Variants in DPH6 observed in about 807,000 individuals in gnomAD.
DPH6 encodes the protein diphthamine biosynthesis 6.
In DPH6, 33 loss-of-function variants were observed where a neutral mutation model predicts 38.2. The ratio of observed to expected loss-of-function variants is 0.86; its 90% CI spans 0.65 to 1.15. The LOEUF is 1.15. Among genes scored for constraint, DPH6 ranks in the 50% most tolerant of loss-of-function variants. DPH6 has a pLI of 0.00. For missense variants in DPH6, 325 were observed against 320.0 expected (o/e 1.02, Z -0.12); for synonymous variants, 108 against 103.0 (o/e 1.05, Z -0.30).
chr15:35,539,457 G>A (rs1014683838), intron 2 of DPH6, among the ~76,000 whole-genome samples: 1 of 151,996 alleles, frequency 6.6e-6, no homozygotes, highest in Non-Finnish European at 1.5e-5. Context: ...GGGATAAAAA[G>A]TGTTAAATGG....
intron 5 of DPH6, among the ~76,000 whole-genome samples, chr15:35,430,007 T>C (rs1317679267): frequency 2.0e-5 from 3 of 152,144 alleles, no homozygotes; most frequent in South Asian, 2.1e-4. Flanking sequence ...CATTTGTTAA[T>C]GTGGATCTGG....
intron 3 of DPH6, among the ~76,000 whole-genome samples, chr15:35,356,692 T>C (rs1315831483): frequency 6.6e-6 from 1 of 152,198 alleles, no homozygotes; most frequent in South Asian, 2.1e-4. Flanking sequence ...AGTCTGCCCC[T>C]ACTGTGAGGT....
intron 3 of DPH6, among the ~76,000 whole-genome samples, chr15:35,281,547 T>G (rs1249823190): frequency 1.3e-5 from 2 of 152,180 alleles, no homozygotes; most frequent in East Asian, 3.8e-4. Context: ...GCCAGACAAC[T>G]CATTTTCTTT....
the DPH6 span, among the ~76,000 whole-genome samples, chr15:35,170,327 C>T: frequency 5.9e-5 from 9 of 152,120 alleles, no homozygotes; most frequent in Non-Finnish European, 8.8e-5. Context: ...AGCTACACAG[C>T]GAAATATGCC....
At chr15:35,245,519 T>C (rs1010611633) in intron 3 of DPH6, among the ~76,000 whole-genome samples, 10 of 152,296 alleles carry the variant, frequency 6.6e-5, no homozygotes, top group African/African-American at 2.4e-4. Flanking sequence ...ATTACAGGCG[T>C]GAGCCACCAC....
In DPH6 at chr15:35,381,161, T is replaced by C. The variant is rs116531518; in HGVS notation, c.662+661A>G. ...AGCATAACTCTGACAATCTTTTCCATGATGCATACAGGCTTAAGAAAAGCA... is the reference window on the plus strand; with the variant it reads ...AGCATAACTCTGACAATCTTTTCCACGATGCATACAGGCTTAAGAAAAGCA... On this transcript the variant is annotated intron_variant, in intron 7 of 8. Transcript: ENST00000256538. 5.5e-3 allele frequency among the ~76,000 whole-genome samples: 843 copies of C among 152,272 alleles called. 9 individuals are homozygous for C. Among genetic ancestry groups the C allele is most frequent in the African/African-American group, 0.019 (769 of 41,554 alleles).
At chr15:35,209,398 A>G in the DPH6 span, among the ~76,000 whole-genome samples, 2 of 152,172 alleles carry the variant, frequency 1.3e-5, no homozygotes, top group Non-Finnish European at 2.9e-5. Context: ...TATTTCAGAA[A>G]CTACTTTTGA....
chr15:35,419,740 G>A (rs2053481442), intron 5 of DPH6, among the ~76,000 whole-genome samples: 1 of 152,102 alleles, frequency 6.6e-6, no homozygotes, highest in Non-Finnish European at 1.5e-5. Flanking sequence ...AATTCATCAA[G>A]AGGATAAAAC....
intron 2 of DPH6, among the ~76,000 whole-genome samples, chr15:35,538,985 T>C (rs1411211506): frequency 6.6e-6 from 1 of 152,058 alleles, no homozygotes; most frequent in Non-Finnish European, 1.5e-5. Context: ...TAATAAAACA[T>C]GTAGATAGAT....
intron 5 of DPH6, among the ~76,000 whole-genome samples, chr15:35,415,056 T>C (rs1442066698): frequency 3.9e-5 from 6 of 151,966 alleles, no homozygotes; most frequent in Non-Finnish European, 7.4e-5. Context: ...TCAGTCCTGT[T>C]CACTACTTTT....
chr15:35,492,484 T>A (rs2054497770), intron 3 of DPH6, among the ~76,000 whole-genome samples: 1 of 152,134 alleles, frequency 6.6e-6, no homozygotes, highest in African/African-American at 2.4e-5. Context: ...TCCATAAAGC[T>A]TCACTGGTAA....
At chr15:35,294,887 T>G (rs895002602) in intron 3 of DPH6, among the ~76,000 whole-genome samples, 1 of 152,126 alleles carries the variant, frequency 6.6e-6, no homozygotes, top group Non-Finnish European at 1.5e-5. Context: ...GACAAACAGC[T>G]AGTTAGTCGG....
intron 3 of DPH6, among the ~76,000 whole-genome samples, chr15:35,269,629 G>A (rs1487352966): frequency 1.3e-5 from 2 of 150,392 alleles, no homozygotes; most frequent in African/African-American, 4.9e-5. Context: ...TAGTAGAGAC[G>A]GGGTTTCACC....
chr15:35,441,290 C>T lies in DPH6; in HGVS notation c.505+9395G>A, dbSNP rs562876050. The stretch of plus-strand genomic sequence containing the variant: ...ATCTAGAACCAGAAATACCATTTGA[C>T]CCAGCAATCCCATTACTAGGTATAT... On this transcript the variant is annotated intron_variant, in intron 5 of 8. Coordinates refer to ENST00000256538, the MANE Select transcript of DPH6 (RefSeq NM_080650.4). 2.6e-5 allele frequency among the ~76,000 whole-genome samples: 4 copies of T among 152,218 alleles called. No individual in the cohort carries two copies. The South Asian group carries it at 8.3e-4, about 32-fold the overall frequency.
At chr15:35,528,545 A>G (rs2055039429) in intron 3 of DPH6, among the ~76,000 whole-genome samples, 1 of 151,984 alleles carries the variant, frequency 6.6e-6, no homozygotes, top group African/African-American at 2.4e-5. Context: ...TCCCCTTGGC[A>G]TTCCCCATGT....
chr15:35,254,409 C>T (rs1262100487), intron 3 of DPH6, among the ~76,000 whole-genome samples: 1 of 152,148 alleles, frequency 6.6e-6, no homozygotes, highest in Non-Finnish European at 1.5e-5. Context: ...ATTCATGGAG[C>T]TCTGTAATTG....
At chr15:35,256,233 C>G (rs937124422) in intron 3 of DPH6, among the ~76,000 whole-genome samples, 2 of 152,196 alleles carry the variant, frequency 1.3e-5, no homozygotes, top group East Asian at 3.9e-4. Flanking sequence ...TTACTTAATG[C>G]TCTTTTTCTG....
chr15:35,427,661 G>A (rs115410933), intron 5 of DPH6, among the ~76,000 whole-genome samples: 248 of 151,658 alleles, frequency 1.6e-3, no homozygotes, highest in African/African-American at 5.5e-3. Flanking sequence ...AAACTTATCT[G>A]GAAATGTCAA....
intron 6 of DPH6, among the ~76,000 whole-genome samples, chr15:35,388,729 T>C (rs2053008254): frequency 1.3e-5 from 2 of 152,356 alleles, no homozygotes; most frequent in South Asian, 4.1e-4. Context: ...GATTCTTCTC[T>C]CTTTTCTTCT....
Sources: allele counts gnomAD v4.1 joint callset (sites outside exome capture counted in the v4.1 genomes callset), GRCh38; gene constraint gnomAD v4.1.1; transcripts MANE v1.5; gene names NCBI Gene and HGNC (gene_info 2026-07-23, HGNC 2026-07-21).